Variants in MROH9 observed in about 807,000 individuals in gnomAD.
MROH9 encodes the protein maestro heat like repeat family member 9.
A neutral mutation model predicts 98.2 loss-of-function variants in MROH9; 92 were observed. The observed-to-expected ratio is 0.94, with a 90% CI of 0.79 to 1.11. The LOEUF is 1.11. MROH9 is among the 50% of genes most tolerant of loss of function. MROH9 has a pLI of 0.00. For missense variants in MROH9, 1,057 were observed against 1,014.8 expected, an observed-to-expected ratio of 1.04 and a Z score of -0.57; for synonymous variants, 397 against 368.9, an observed-to-expected ratio of 1.08 and a Z score of -0.87.
Position 170,971,801 on chromosome 1 carries a change from G to C in MROH9, c.534G>C (p.Leu178Phe). ...TCCTGGCAGCAGAGCTGTCTCTTTT[G>C]TGTTCCCATGAAGATCCCTCGATTG... is the stretch of plus-strand genomic sequence containing the variant. Reference protein sequence around the residue: ...LGLLAAELSLLCSHEDPSIVK... With the variant: ...LGLLAAELSLFCSHEDPSIVK... Residue 178 changes from leucine (L) to phenylalanine (F), a missense_variant, in exon 8 of 22, where the codon TTG becomes TTC. Transcript: ENST00000367759. 1 of 1,614,068 alleles carries C rather than the reference G, an allele frequency of 6.2e-7. No individual in the cohort carries two copies. Among genetic ancestry groups the C allele is most frequent in the South Asian group, 1.1e-5 (1 of 91,082 alleles).
intron 5 of MROH9, among the ~76,000 whole-genome samples, chr1:170,959,863 A>G (rs1163140810): frequency 6.6e-6 from 1 of 152,226 alleles, no homozygotes; most frequent in Non-Finnish European, 1.5e-5. Context: ...GTTTGCTGGC[A>G]AGTGCTTCAA....
At chr1:171,002,801 C>G (rs940479089) in intron 15 of MROH9, among the ~76,000 whole-genome samples, 2 of 152,180 alleles carry the variant, frequency 1.3e-5, no homozygotes, top group African/African-American at 4.8e-5. Flanking sequence ...GTCGAGATCT[C>G]TAGCAAGGCT....
At chr1:170,951,587 C>T (rs1557870599) in intron 3 of MROH9, among the ~76,000 whole-genome samples, 1 of 152,096 alleles carries the variant, frequency 6.6e-6, no homozygotes, top group Non-Finnish European at 1.5e-5. Context: ...AGCATTGAGA[C>T]ATGTCTGGGC....
At chr1:171,019,063 G>T (rs184058821) in intron 17 of MROH9, among the ~76,000 whole-genome samples, 110 of 152,190 alleles carry the variant, frequency 7.2e-4, no homozygotes, top group African/African-American at 2.5e-3. Flanking sequence ...CCACATAATT[G>T]GAGGTAAAAC....
intron 15 of MROH9, among the ~76,000 whole-genome samples, chr1:171,010,202 T>G (rs2101828162): frequency 6.6e-6 from 1 of 152,300 alleles, no homozygotes. Context: ...GTGTTTGTTT[T>G]TCTGTTCTTG....
rs149246336 is a variant in MROH9 at position 171,015,109 on chromosome 1, A to G, written c.1734+855A>G. 4.1e-5 allele frequency: 19 copies of G among 468,812 alleles called. 1 individual carries two copies. The highest frequency in any genetic ancestry group is 6.6e-4 in the Middle Eastern group (2 of 3,044). 29.0% of individuals were successfully genotyped at this position (468,812 alleles called of 1,614,324 possible). The stretch of plus-strand genomic sequence containing the variant: ...AAATGTTCTATAAATCATTACTTTT[A>G]TAATACATCCAATAATAAATCGTTG... On this transcript the variant is annotated intron_variant, in intron 16 of 21. Transcript: ENST00000367759.
intron 20 of MROH9, among the ~76,000 whole-genome samples, chr1:171,045,216 G>T (rs2101862819): frequency 6.6e-6 from 1 of 151,526 alleles, no homozygotes; most frequent in East Asian, 1.9e-4. Flanking sequence ...TAGCCAGGAT[G>T]GTCTCGATCT....
At chr1:171,017,367 C>G (rs1329144201) in intron 17 of MROH9, among the ~76,000 whole-genome samples, 1 of 152,196 alleles carries the variant, frequency 6.6e-6, no homozygotes, top group African/African-American at 2.4e-5. Context: ...CCACCCCCAG[C>G]CAAGGGAGGC....
intron 21 of MROH9, among the ~76,000 whole-genome samples, chr1:171,063,405 A>G (rs974590686): frequency 2.6e-5 from 4 of 151,908 alleles, no homozygotes; most frequent in African/African-American, 9.7e-5. Context: ...GGCACATGCC[A>G]CCATGCCCGG....
chr1:170,939,957 G>T (rs1649057937), intron 1 of MROH9, among the ~76,000 whole-genome samples: 1 of 152,162 alleles, frequency 6.6e-6, no homozygotes, highest in Admixed American at 6.5e-5. Context: ...AGCACCACTG[G>T]ATCTGCTGCA....
intron 7 of MROH9, among the ~76,000 whole-genome samples, chr1:170,968,697 A>G (rs971086477): frequency 1.3e-5 from 2 of 152,108 alleles, no homozygotes; most frequent in African/African-American, 2.4e-5. Flanking sequence ...GCAGTGAGCT[A>G]TGATCACACC....
chr1:171,050,808 A>G (rs564178049), intron 20 of MROH9, among the ~76,000 whole-genome samples: 102 of 152,192 alleles, frequency 6.7e-4, no homozygotes, highest in Non-Finnish European at 1.3e-3. Context: ...TGGGTTTGTC[A>G]CATATGGCTT....
intron 15 of MROH9, among the ~76,000 whole-genome samples, chr1:171,013,450 G>A (rs568752405): frequency 1.3e-5 from 2 of 152,218 alleles, no homozygotes; most frequent in Admixed American, 6.5e-5. Context: ...ATGATCTGAG[G>A]TAGAAGAGTT....
At chr1:170,948,351 T>C (rs898139748) in intron 3 of MROH9, among the ~76,000 whole-genome samples, 9 of 152,052 alleles carry the variant, frequency 5.9e-5, no homozygotes, top group Admixed American at 2.0e-4. Flanking sequence ...AAGTCGCTGA[T>C]AATTAAAGCA....
At position 170,998,248 on chromosome 1, in the gene MROH9, G is replaced by A. The variant is rs779900948; in HGVS notation, c.1570G>A (p.Val524Ile). 2 of 1,613,470 alleles carry A rather than the reference G, an allele frequency of 1.2e-6. No individual in the cohort carries two copies. Among genetic ancestry groups the A allele is most frequent in the Non-Finnish European group, 8.5e-7 (1 of 1,179,622 alleles). ...AGGTCCTAGAAGGTCAGAAGACACTGTCATCGTATTAATATTCCTCACTGA... is the reference window on the plus strand; with the variant it reads ...AGGTCCTAGAAGGTCAGAAGACACTATCATCGTATTAATATTCCTCACTGA... ...VEGPRRSEDT[V>I]IVLIFLTELL... The change falls in exon 15 of 22, where the codon GTC (valine) becomes ATC (isoleucine). Residue 524 changes from valine (V) to isoleucine (I), a missense_variant. Physicochemically the swap from Val to Ile is conservative, Grantham distance 29. Coordinates refer to ENST00000367759, the MANE Select transcript of MROH9 (RefSeq NM_001163629.2).
At chr1:171,020,353 G>A (rs545150142) in intron 17 of MROH9, among the ~76,000 whole-genome samples, 110 of 152,130 alleles carry the variant, frequency 7.2e-4, no homozygotes, top group African/African-American at 2.5e-3. Context: ...ATATTGATGC[G>A]AAAATCCTCA....
intron 17 of MROH9, among the ~76,000 whole-genome samples, chr1:171,021,089 C>T (rs1652501890): frequency 6.6e-6 from 1 of 152,062 alleles, no homozygotes; most frequent in East Asian, 1.9e-4. Flanking sequence ...AACTACAAAC[C>T]ACTGCTCAAG....
In MROH9 at chr1:170,990,003, A is replaced by T. The variant is rs962187415; in HGVS notation, c.1028A>T (p.Asp343Val). Residue 343 changes from aspartate to valine, a missense_variant and splice_region_variant, in exon 11 of 22, where the codon GAC becomes GTC. Physicochemically the swap from Asp to Val is radical, Grantham distance 152. Coordinates refer to ENST00000367759, the MANE Select transcript of MROH9 (RefSeq NM_001163629.2). Reference sequence around the variant, plus strand: ...ATGGACTACCCAGTTCCAGCAGACGAGTAAGGCCCCCCAACCCTCTGTCCC... The same window carrying T: ...ATGGACTACCCAGTTCCAGCAGACGTGTAAGGCCCCCCAACCCTCTGTCCC... ...QLMDYPVPADDTLIQMWKAAC... is the reference protein window; with the variant it reads ...QLMDYPVPADVTLIQMWKAAC... The T allele has an allele frequency of 2.9e-5, 46 of 1,609,644 alleles. No individual in the cohort carries two copies. The highest frequency in any genetic ancestry group is 3.9e-5 in the Non-Finnish European group (46 of 1,177,098).
chr1:171,055,834 G>A (rs1032962395), intron 20 of MROH9, among the ~76,000 whole-genome samples: 1 of 152,116 alleles, frequency 6.6e-6, no homozygotes, highest in Non-Finnish European at 1.5e-5. Flanking sequence ...GAACTGACCA[G>A]GCAGCTGGTG....
Sources: gnomAD v4.1 joint callset for allele counts (sites outside exome capture counted in the v4.1 genomes callset) on GRCh38, gnomAD v4.1.1 for gene constraint, MANE v1.5 for transcripts, NCBI Gene and HGNC (gene_info 2026-07-23, HGNC 2026-07-21) for gene names.